Variants in DAD1 observed in about 807,000 individuals in gnomAD.
DAD1 encodes the protein dolichyl-diphosphooligosaccharide--protein glycosyltransferase subunit DAD1.
A neutral mutation model predicts 9.0 loss-of-function variants in DAD1; 4 were observed. The observed-to-expected ratio is 0.44, with a 90% CI of 0.22 to 1.01. The LOEUF (loss-of-function observed/expected upper bound fraction) is 1.01, where lower values mean the gene tolerates loss of function less well. Ranked by LOEUF, DAD1 falls within the 50% of genes least tolerant of loss-of-function variation. The pLI is 0.24. For synonymous variants in DAD1, 60 were observed against 62.5 expected, an observed-to-expected ratio of 0.96 and a Z score of 0.19; for missense variants, 119 against 137.3, an observed-to-expected ratio of 0.87 and a Z score of 0.67.
intron 1 of DAD1, among the ~76,000 whole-genome samples, chr14:22,582,444 A>G (rs1220756689): frequency 1.3e-5 from 2 of 151,382 alleles, no homozygotes; most frequent in Admixed American, 6.6e-5. Flanking sequence ...GAATGGCGTG[A>G]ACCCGGGAGG....
Position 22,564,930 on chromosome 14 carries a change from A to C in DAD1, c.*252T>G, listed in dbSNP as rs2036992881. 1 of 588,204 alleles carries C rather than the reference A, an allele frequency of 1.7e-6. No individual in the cohort carries two copies. Among genetic ancestry groups the C allele is most frequent in the Non-Finnish European group, 3.0e-6 (1 of 331,948 alleles). The allele number at this position is 588,204 out of a possible 1,614,324, so 36.4% of individuals were successfully genotyped here. A position where few individuals can be genotyped will look rare whatever the true frequency, so the allele number is the denominator to read the frequency against. ...TGGAGGAGTGGCATGGAGTTCTTTA[A>C]TTTGGAAGGCAAAAGGTTACATTTA... is the stretch of plus-strand genomic sequence containing the variant. On this transcript the variant is annotated 3_prime_UTR_variant, in exon 3 of 3. Transcript: ENST00000250498.
chr14:22,582,334 G>A (rs1357178496), intron 1 of DAD1, among the ~76,000 whole-genome samples: 1 of 149,888 alleles, frequency 6.7e-6, no homozygotes, highest in Non-Finnish European at 1.5e-5. Context: ...CTAACATGGT[G>A]AGACCCATCT....
chr14:22,573,647 C>T (rs1010125072), intron 2 of DAD1, among the ~76,000 whole-genome samples: 5 of 142,758 alleles, frequency 3.5e-5, no homozygotes, highest in Admixed American at 1.5e-4. Flanking sequence ...GAGGCGGAGT[C>T]TGCAGTGAGC....
chr14:22,567,574 G>A (rs766876499), intron 2 of DAD1, among the ~76,000 whole-genome samples: 4 of 152,214 alleles, frequency 2.6e-5, no homozygotes, highest in Non-Finnish European at 5.9e-5. Context: ...TCTGTCCAGA[G>A]CTGTGCTGTC....
At chr14:22,576,532 G>A (rs1344400905) in intron 1 of DAD1, among the ~76,000 whole-genome samples, 1 of 152,142 alleles carries the variant, frequency 6.6e-6, no homozygotes, top group South Asian at 2.1e-4. Context: ...GAAGAAAACA[G>A]AGCAAAAGTT....
chr14:22,565,564 AG>A (rs1292179914), intron 2 of DAD1, among the ~76,000 whole-genome samples: 1 of 152,218 alleles, frequency 6.6e-6, no homozygotes, highest in East Asian at 1.9e-4. Context: ...GAGGCAGGGT[AG>A]GGAAGTAAGG....
In DAD1 at chr14:22,566,773, T is replaced by C. The variant is rs569889365; in HGVS notation, c.*45-1636A>G. ...TTAAAGATTTTATTATATTAAAACA[T>C]TTAAATCTAAGATGCTGAGGCCAGT... On this transcript the variant is annotated intron_variant, in intron 2 of 2. Coordinates refer to ENST00000250498, the MANE Select transcript of DAD1 (RefSeq NM_001344.4). 1.5e-4 allele frequency among the ~76,000 whole-genome samples: 23 copies of C among 152,358 alleles called. No homozygotes were observed. The South Asian group carries it at 4.3e-3, about 29-fold the overall frequency.
rs547615915 is a variant in DAD1 at position 22,568,054 on chromosome 14, C to G, written c.*45-2917G>C. 7.2e-5 allele frequency among the ~76,000 whole-genome samples: 11 copies of G among 152,272 alleles called. No individual in the cohort carries two copies. In the East Asian group the frequency reaches 2.1e-3, roughly 29 times the overall value. On this transcript the variant is annotated intron_variant, in intron 2 of 2. Transcript: ENST00000250498. ...CATGACATATATATAAAGCCATCAT[C>G]TGAGAGTCCTAAACATAACAGGAAG... is the stretch of plus-strand genomic sequence containing the variant.
intron 2 of DAD1, among the ~76,000 whole-genome samples, chr14:22,572,952 TC>T (rs2037051303): frequency 6.6e-6 from 1 of 152,222 alleles, no homozygotes; most frequent in African/African-American, 2.4e-5. Flanking sequence ...TTCAAGGTTA[TC>T]CACTGGTAAC....
chr14:22,581,677 A>C (rs981786659), intron 1 of DAD1, among the ~76,000 whole-genome samples: 1 of 147,708 alleles, frequency 6.8e-6, no homozygotes, highest in African/African-American at 2.5e-5. Flanking sequence ...CGGGAGGCGG[A>C]AGTTGCAGTA....
chr14:22,580,312 C>A (rs1344063911), intron 1 of DAD1, among the ~76,000 whole-genome samples: 1 of 151,768 alleles, frequency 6.6e-6, no homozygotes, highest in African/African-American at 2.4e-5. Context: ...CCCAGCTACT[C>A]GGGAGGCTGA....
chr14:22,586,757 CA>C (rs2037155863), intron 1 of DAD1, among the ~76,000 whole-genome samples: 1 of 152,110 alleles, frequency 6.6e-6, no homozygotes, highest in South Asian at 2.1e-4. Flanking sequence ...GATAAGCGTC[CA>C]AATTTCCCAT....
At chr14:22,571,494 G>T (rs988310617) in intron 2 of DAD1, among the ~76,000 whole-genome samples, 2 of 151,836 alleles carry the variant, frequency 1.3e-5, no homozygotes, top group Non-Finnish European at 2.9e-5. Context: ...TGGATTTCTG[G>T]GGGTCAGAAG....
chr14:22,587,428 C>G (rs1038574613), intron 1 of DAD1, among the ~76,000 whole-genome samples: 1 of 152,110 alleles, frequency 6.6e-6, no homozygotes, highest in African/African-American at 2.4e-5. Flanking sequence ...AGTACCGTGG[C>G]AGAGGGCGGT....
At chr14:22,585,585 C>CA (rs1476691281) in intron 1 of DAD1, among the ~76,000 whole-genome samples, 5 of 152,036 alleles carry the variant, frequency 3.3e-5, no homozygotes, top group African/African-American at 7.3e-5. Flanking sequence ...AAAACACACA[C>CA]AAAAAAAGAT....
chr14:22,576,222 T>C (rs1427986452), intron 1 of DAD1, among the ~76,000 whole-genome samples: 3 of 152,254 alleles, frequency 2.0e-5, no homozygotes, highest in African/African-American at 7.2e-5. Context: ...TTTTCCATTA[T>C]AAGTTTATTT....
At chr14:22,573,936 T>C (rs1417987944) in intron 2 of DAD1, among the ~76,000 whole-genome samples, 3 of 152,120 alleles carry the variant, frequency 2.0e-5, no homozygotes, top group East Asian at 1.9e-4. Flanking sequence ...ACTTTGCACA[T>C]AGATGCTCTA....
intron 1 of DAD1, among the ~76,000 whole-genome samples, chr14:22,580,304 C>T (rs1190739311): frequency 2.0e-5 from 3 of 151,956 alleles, no homozygotes; most frequent in African/African-American, 7.3e-5. Flanking sequence ...CCTATGGCCC[C>T]AGCTACTCGG....
At chr14:22,575,325 T>G (rs934690195) in intron 1 of DAD1, 92 bp from the exon 2 acceptor site, 6 of 1,416,790 alleles carry the variant, frequency 4.2e-6, no homozygotes, top group South Asian at 1.4e-5. Context: ...ACCCAACAAT[T>G]CTACTCTAAC....
Sources: gnomAD v4.1 joint callset for allele counts (sites outside exome capture counted in the v4.1 genomes callset) on GRCh38, gnomAD v4.1.1 for gene constraint, MANE v1.5 for transcripts, NCBI Gene and HGNC (gene_info 2026-07-23, HGNC 2026-07-21) for gene names.